Variants in STOX1 observed in about 807,000 individuals in gnomAD.
The protein encoded by STOX1 is storkhead-box protein 1.
STOX1 carries 57 observed loss-of-function variants against 74.8 expected under a neutral mutation model. The ratio of observed to expected loss-of-function variants is 0.76; its 90% CI spans 0.62 to 0.95. The LOEUF is 0.95. Ranked by LOEUF, STOX1 falls within the 40% of genes least tolerant of loss-of-function variation. The probability of loss-of-function intolerance (pLI) is 0.00; values close to 1 mark genes in which losing one functional copy is unlikely to be tolerated. For synonymous variants in STOX1, 375 were observed against 401.3 expected (o/e 0.93, Z 0.78); for missense variants, 1,010 against 1,117.0 (o/e 0.90, Z 1.37).
At chr10:68,831,031 C>G (rs1175579563) in intron 1 of STOX1, among the ~76,000 whole-genome samples, 1 of 152,176 alleles carries the variant, frequency 6.6e-6, no homozygotes, top group Admixed American at 6.6e-5. Flanking sequence ...GCTCTCTTGC[C>G]TCTTGCAGCA....
In STOX1 at chr10:68,884,439, C is replaced by G. The variant is rs1350335855; in HGVS notation, c.643C>G (p.Pro215Ala). Residue 215 changes from proline to alanine, a missense_variant, in exon 3 of 4, where the codon CCA becomes GCA. By Grantham distance (27) the Pro-to-Ala change is conservative. Transcript: ENST00000298596. Reference protein sequence around the residue: ...MLPSDESRLMPASMTYLVSME... With the variant: ...MLPSDESRLMAASMTYLVSME... Reference sequence around the variant, plus strand: ...GCCATCAGATGAAAGTCGCCTGATGCCAGCTTCCATGACATATCTGGTGAG... The same window carrying G: ...GCCATCAGATGAAAGTCGCCTGATGGCAGCTTCCATGACATATCTGGTGAG... 3 of 1,613,862 alleles carry G rather than the reference C, an allele frequency of 1.9e-6. No individual in the cohort carries two copies. In the African/African-American group the frequency reaches 4.0e-5, roughly 22 times the overall value.
intron 3 of STOX1, among the ~76,000 whole-genome samples, chr10:68,887,429 T>C (rs1391999280): frequency 6.6e-6 from 1 of 151,996 alleles, no homozygotes; most frequent in Non-Finnish European, 1.5e-5. Context: ...ATTACAGGCA[T>C]GCACCACCAC....
intron 1 of STOX1, among the ~76,000 whole-genome samples, chr10:68,831,971 C>T (rs918940943): frequency 8.1e-5 from 12 of 148,198 alleles, no homozygotes; most frequent in Non-Finnish European, 1.2e-4. Flanking sequence ...TGCTCTGATT[C>T]CCAGGCTGGT....
chr10:68,839,031 C>G (rs1042599570), intron 1 of STOX1, among the ~76,000 whole-genome samples: 1 of 152,072 alleles, frequency 6.6e-6, no homozygotes, highest in East Asian at 1.9e-4. Flanking sequence ...CACATATGAC[C>G]TTTGTTGTGT....
In STOX1 at chr10:68,892,461, T is replaced by G. The variant is rs1375170766; in HGVS notation, c.2823-128T>G. The stretch of plus-strand genomic sequence containing the variant: ...CACTTCGGATTTTTAAAGGTTAACT[T>G]ATTTGATAAGTGTACCTTTGTATTA... On this transcript the variant is annotated intron_variant, in intron 3 of 3. Coordinates refer to ENST00000298596, the MANE Select transcript of STOX1 (RefSeq NM_152709.5). 3.5e-6 allele frequency: 3 copies of G among 861,516 alleles called. No individual in the cohort carries two copies. In the African/African-American group the frequency reaches 5.1e-5, roughly 15 times the overall value. The allele number at this position is 861,516 out of a possible 1,614,324, so 53.4% of individuals were successfully genotyped here.
At chr10:68,870,209 G>A (rs537313351) in intron 1 of STOX1, among the ~76,000 whole-genome samples, 105 of 151,534 alleles carry the variant, frequency 6.9e-4, no homozygotes, top group Non-Finnish European at 1.1e-3. Flanking sequence ...TTTTACCCCC[G>A]TTTTGTACAG....
intron 1 of STOX1, among the ~76,000 whole-genome samples, chr10:68,842,401 G>T (rs1462315034): frequency 6.6e-6 from 1 of 152,124 alleles, no homozygotes; most frequent in Non-Finnish European, 1.5e-5. Context: ...TGCTTGTCAA[G>T]ATCATTTGCG....
chr10:68,830,244 G>A (rs1375334252), intron 1 of STOX1, among the ~76,000 whole-genome samples: 2 of 152,206 alleles, frequency 1.3e-5, no homozygotes, highest in South Asian at 4.1e-4. Flanking sequence ...GACCCCATCT[G>A]TGGGGTGTGC....
At chr10:68,836,028 C>T (rs1227218561) in intron 1 of STOX1, among the ~76,000 whole-genome samples, 1 of 152,156 alleles carries the variant, frequency 6.6e-6, no homozygotes, top group Non-Finnish European at 1.5e-5. Context: ...CGTGCCACCA[C>T]GCCAGGCTAA....
chr10:68,860,027 C>T (rs1169091923), intron 1 of STOX1, among the ~76,000 whole-genome samples: 4 of 151,946 alleles, frequency 2.6e-5, no homozygotes, highest in Admixed American at 6.6e-5. Context: ...CGTGGTGGCT[C>T]ATGCCTGTAA....
chr10:68,855,149 C>T (rs1840089113), intron 1 of STOX1, among the ~76,000 whole-genome samples: 1 of 145,180 alleles, frequency 6.9e-6, no homozygotes, highest in Non-Finnish European at 1.5e-5. Flanking sequence ...TTGAGATAGT[C>T]TTGCTCTGTC....
rs746173209 is a variant in STOX1 at position 68,884,544 on chromosome 10, A to G, written c.748A>G (p.Met250Val). Residue 250 changes from methionine (M) to valine (V), a missense_variant, in exon 3 of 4, where the codon ATG becomes GTG. Coordinates refer to ENST00000298596, the MANE Select transcript of STOX1 (RefSeq NM_152709.5). The part of the protein sequence containing the change: ...HCQSCQCFRD[M>V]HTQDVQEAPV... ...TCAGTCTTGCCAGTGTTTCCGGGAC[A>G]TGCACACTCAGGATGTTCAGGAAGC... is the stretch of plus-strand genomic sequence containing the variant. The G allele has an allele frequency of 2.7e-5, 44 of 1,613,674 alleles. No individual in the cohort carries two copies. The highest frequency in any genetic ancestry group is 1.7e-5 in the Non-Finnish European group (20 of 1,180,046).
At chr10:68,855,993 C>T (rs912197851) in intron 1 of STOX1, among the ~76,000 whole-genome samples, 4 of 152,088 alleles carry the variant, frequency 2.6e-5, no homozygotes, top group African/African-American at 2.4e-5. Context: ...CCCCTACTGT[C>T]TGTGACCAGA....
In STOX1 at chr10:68,876,720, T is replaced by C. The variant is rs558578794; in HGVS notation, c.311-5238T>C. Among the ~76,000 whole-genome samples, 28 of 152,300 alleles carry C rather than the reference T, an allele frequency of 1.8e-4. 1 individual carries two copies. Among genetic ancestry groups the C allele is most frequent in the African/African-American group, 6.7e-4 (28 of 41,560 alleles). ...TCTGGCTCAAAGTCTCTCCTTAGCC[T>C]TCTGAGCCCCGCTAAGCTCAAGGGT... On this transcript the variant is annotated intron_variant, in intron 1 of 3. Coordinates refer to ENST00000298596, the MANE Select transcript of STOX1 (RefSeq NM_152709.5).
chr10:68,882,175 G>A lies in STOX1; in HGVS notation c.463+65G>A. 5.4e-6 allele frequency: 8 copies of A among 1,492,890 alleles called. No homozygotes were observed. In the South Asian group the frequency reaches 8.0e-5, roughly 15 times the overall value. The allele number at this position is 1,492,890 out of a possible 1,614,324, so 92.5% of individuals were successfully genotyped here. The stretch of plus-strand genomic sequence containing the variant: ...TGTGTTTGGTTTCTATTTATAATTA[G>A]TCTTAAGCACATAAACTGGGTGATA... On this transcript the variant is annotated intron_variant, in intron 2 of 3. Transcript: ENST00000298596.
chr10:68,894,418 C>T (rs1329169661), downstream of STOX1, among the ~76,000 whole-genome samples: 3 of 152,148 alleles, frequency 2.0e-5, no homozygotes, highest in Admixed American at 6.5e-5. Context: ...AGAAGCCCGG[C>T]ACTGGAGAAC....
Position 68,885,003 on chromosome 10 carries a change from G to A in STOX1, c.1207G>A (p.Gly403Arg), listed in dbSNP as rs757391284. ...QGTSTDMLTI[G>R]HKYPSKEGVK... ...CACTTCCACTGACATGCTGACAATC[G>A]GGCATAAGTATCCTTCAAAAGAGGG... The change falls in exon 3 of 4, where the codon GGG becomes AGG. Residue 403 changes from glycine (G) to arginine (R), a missense_variant. Coordinates refer to ENST00000298596, the MANE Select transcript of STOX1 (RefSeq NM_152709.5). 55 of 1,613,908 alleles carry A rather than the reference G, an allele frequency of 3.4e-5. No homozygotes were observed. The highest frequency in any genetic ancestry group is 8.0e-5 in the African/African-American group (6 of 74,872).
At chr10:68,833,180 G>C (rs1488433081) in intron 1 of STOX1, among the ~76,000 whole-genome samples, 1 of 149,848 alleles carries the variant, frequency 6.7e-6, no homozygotes, top group African/African-American at 2.5e-5. Flanking sequence ...CTGCTTCCCA[G>C]GTTCAAGGGA....
intron 3 of STOX1, among the ~76,000 whole-genome samples, chr10:68,890,734 TC>T (rs1841079905): frequency 1.4e-5 from 2 of 144,366 alleles, no homozygotes; most frequent in Non-Finnish European, 3.0e-5. Flanking sequence ...CACTGCAACC[TC>T]TGCCTCCCGG....
Sources: gnomAD v4.1 joint callset for allele counts (sites outside exome capture counted in the v4.1 genomes callset) on GRCh38, gnomAD v4.1.1 for gene constraint, MANE v1.5 for transcripts, NCBI Gene and HGNC (gene_info 2026-07-23, HGNC 2026-07-21) for gene names.